IL1RAPL2: variants seen among roughly 807,000 people sequenced by gnomAD.
IL1RAPL2 encodes the protein X-linked interleukin-1 receptor accessory protein-like 2.
IL1RAPL2 carries 3 observed loss-of-function variants against 44.1 expected under a neutral mutation model. The ratio of observed to expected loss-of-function variants is 0.07; its 90% CI spans 0.03 to 0.18. The LOEUF (loss-of-function observed/expected upper bound fraction) is 0.18. Ranked by LOEUF, IL1RAPL2 falls within the 10% of genes least tolerant of loss-of-function variation. IL1RAPL2 has a pLI of 1.00. For missense variants in IL1RAPL2, 391 were observed against 496.4 expected (o/e 0.79, Z 2.02); for synonymous variants, 181 against 178.8 (o/e 1.01, Z -0.10).
chrX:105,532,052 A>G (rs2070629541), intron 6 of IL1RAPL2, among the ~76,000 whole-genome samples: 2 of 111,871 alleles, frequency 1.8e-5, no homozygotes, highest in African/African-American at 6.5e-5. Context: ...TTTCTGGAAC[A>G]CAGTGTTTCA....
At chrX:104,866,653 T>G (rs1922623685) in intron 2 of IL1RAPL2, among the ~76,000 whole-genome samples, 2 of 112,003 alleles carry the variant, frequency 1.8e-5, no homozygotes, top group African/African-American at 6.5e-5. Flanking sequence ...ATGCCGGTAT[T>G]AGAAAATACT....
At chrX:104,776,213 C>A (rs1438152220) in intron 2 of IL1RAPL2, among the ~76,000 whole-genome samples, 2 of 112,109 alleles carry the variant, frequency 1.8e-5, no homozygotes. Context: ...TATCAGGGCA[C>A]AAATTTGGAG....
chrX:105,504,603 T>G (rs1266030935), intron 6 of IL1RAPL2, among the ~76,000 whole-genome samples: 1 of 111,639 alleles, frequency 9.0e-6, no homozygotes, highest in African/African-American at 3.3e-5. Flanking sequence ...TAAGGGTATA[T>G]GTACAAATCT....
chrX:105,200,915 C>CCACACACACACA (rs61216729), intron 3 of IL1RAPL2, among the ~76,000 whole-genome samples: 27 of 104,355 alleles, frequency 2.6e-4, no homozygotes, highest in African/African-American at 9.4e-4. Flanking sequence ...CGTTTCACAC[C>CCACACACACACA]CACACACACA....
At position 105,022,044 on chromosome X, in the gene IL1RAPL2, C is replaced by A. The variant is rs922883784; in HGVS notation, c.83-173431C>A. 1.7e-4 allele frequency among the ~76,000 whole-genome samples: 19 copies of A among 110,617 alleles called. No homozygotes were observed. In the Admixed American group the frequency reaches 1.8e-3, roughly 11 times the overall value. ...ACTTCTGAACCCTCTGTATATTGTT[C>A]TTATCCTTCATAAGATTTATGTCAG... On this transcript the variant is annotated intron_variant, in intron 2 of 10. Transcript: ENST00000372582.
intron 6 of IL1RAPL2, among the ~76,000 whole-genome samples, chrX:105,639,169 A>T (rs1330659549): frequency 8.9e-6 from 1 of 111,897 alleles, no homozygotes; most frequent in Non-Finnish European, 1.9e-5. Flanking sequence ...TGTGCTGAGG[A>T]GAAAAGTCAG....
intron 2 of IL1RAPL2, among the ~76,000 whole-genome samples, chrX:104,855,779 C>T (rs377172452): frequency 9.5e-6 from 1 of 105,213 alleles, no homozygotes; most frequent in Non-Finnish European, 2.0e-5. Context: ...ATCCTCCTGC[C>T]TCAGCCTTCC....
chrX:104,614,777 T>C (rs1298692435), intron 1 of IL1RAPL2, among the ~76,000 whole-genome samples: 2 of 112,171 alleles, frequency 1.8e-5, no homozygotes, highest in African/African-American at 6.5e-5. Context: ...TGTTGTTGGT[T>C]TAAATTCTGT....
chrX:104,909,076 C>G (rs1412588066), intron 2 of IL1RAPL2, among the ~76,000 whole-genome samples: 1 of 111,170 alleles, frequency 9.0e-6, no homozygotes, highest in Non-Finnish European at 1.9e-5. Flanking sequence ...CTTCCCTTCT[C>G]GCTTCATTTC....
intron 2 of IL1RAPL2, among the ~76,000 whole-genome samples, chrX:105,139,180 A>G (rs1390719924): frequency 8.9e-6 from 1 of 112,091 alleles, no homozygotes; most frequent in Non-Finnish European, 1.9e-5. Context: ...TTTATGGAAG[A>G]CATTGAGGAA....
At chrX:104,961,935 C>A (rs1255071044) in intron 2 of IL1RAPL2, among the ~76,000 whole-genome samples, 2 of 112,285 alleles carry the variant, frequency 1.8e-5, no homozygotes, top group Non-Finnish European at 3.8e-5. Context: ...AAAATAGACA[C>A]CACTGGCCTC....
At chrX:105,437,157 AG>A (rs1188327739) in intron 5 of IL1RAPL2, among the ~76,000 whole-genome samples, 5 of 109,540 alleles carry the variant, frequency 4.6e-5, no homozygotes, top group African/African-American at 9.9e-5. Context: ...GTATTTTTAA[AG>A]CAAAATGTCA....
intron 4 of IL1RAPL2, among the ~76,000 whole-genome samples, chrX:105,264,146 A>C (rs982142389): frequency 9.1e-6 from 1 of 110,383 alleles, no homozygotes; most frequent in Non-Finnish European, 1.9e-5. Context: ...AATCATGGGG[A>C]TGGTTTCCCC....
intron 10 of IL1RAPL2, among the ~76,000 whole-genome samples, chrX:105,756,417 T>C (rs1160518066): frequency 9.0e-6 from 1 of 111,688 alleles, no homozygotes; most frequent in Non-Finnish European, 1.9e-5. Flanking sequence ...CTCACTCTGC[T>C]AGATCATGCT....
At chrX:105,474,535 C>T (rs1274918055) in intron 5 of IL1RAPL2, among the ~76,000 whole-genome samples, 3 of 111,863 alleles carry the variant, frequency 2.7e-5, no homozygotes, top group African/African-American at 6.5e-5. Context: ...TGATCTGACT[C>T]TGTGTATTCT....
intron 5 of IL1RAPL2, among the ~76,000 whole-genome samples, chrX:105,470,811 A>G (rs927660932): frequency 2.7e-5 from 3 of 111,737 alleles, no homozygotes; most frequent in African/African-American, 9.8e-5. Context: ...CTGTGATAGC[A>G]CGTGGTATTG....
intron 6 of IL1RAPL2, among the ~76,000 whole-genome samples, chrX:105,648,598 AAAAG>A (rs1393590915): frequency 9.0e-6 from 1 of 111,504 alleles, no homozygotes; most frequent in Non-Finnish European, 1.9e-5. Flanking sequence ...ACAAAAATAG[AAAAG>A]AAAGGACAGA....
At chrX:104,798,191 A>C (rs1932862667) in intron 2 of IL1RAPL2, among the ~76,000 whole-genome samples, 1 of 111,822 alleles carries the variant, frequency 8.9e-6, no homozygotes, top group Non-Finnish European at 1.9e-5. Flanking sequence ...TCTGTATCTG[A>C]ATAATGTATC....
At chrX:105,210,564 A>G (rs1413183961) in intron 3 of IL1RAPL2, among the ~76,000 whole-genome samples, 5 of 111,058 alleles carry the variant, frequency 4.5e-5, no homozygotes, top group Non-Finnish European at 9.4e-5. Context: ...TTTGCTAAAC[A>G]ACCTACAATG....
Sources: allele counts gnomAD v4.1 joint callset (sites outside exome capture counted in the v4.1 genomes callset), GRCh38; gene constraint gnomAD v4.1.1; transcripts MANE v1.5; gene names NCBI Gene and HGNC (gene_info 2026-07-23, HGNC 2026-07-21).